KCNS3: variants seen among roughly 807,000 people sequenced by gnomAD.
KCNS3 encodes potassium voltage-gated channel modifier subfamily S member 3.
In KCNS3, 13 loss-of-function variants were observed where a neutral mutation model predicts 31.0. The ratio of observed to expected loss-of-function variants is 0.42; its 90% confidence interval spans 0.27 to 0.67. KCNS3 has a LOEUF of 0.67. KCNS3 is among the 30% of genes least tolerant of loss of function. KCNS3 has a pLI of 0.25. For missense variants in KCNS3, 545 were observed against 622.4 expected, an observed-to-expected ratio of 0.88 and a Z score of 1.32; for synonymous variants, 238 against 241.5, an observed-to-expected ratio of 0.99 and a Z score of 0.13.
At chr2:17,893,128 A>T (rs933555830) in intron 1 of KCNS3, among the ~76,000 whole-genome samples, 3 of 151,978 alleles carry the variant, frequency 2.0e-5, no homozygotes, top group Non-Finnish European at 4.4e-5. Context: ...TGGAGGTGAG[A>T]TTCCCAGGTC....
intron 1 of KCNS3, among the ~76,000 whole-genome samples, chr2:17,913,264 G>A (rs1034502122): frequency 9.8e-5 from 15 of 152,328 alleles, no homozygotes; most frequent in African/African-American, 2.4e-4. Context: ...TGTCGTTGAT[G>A]TATGGTAGCA....
At position 17,931,881 on chromosome 2, in the gene KCNS3, C is replaced by T; in HGVS notation, c.873C>T (p.Ile291=). 3 of 1,614,124 alleles carry T rather than the reference C, an allele frequency of 1.9e-6. No homozygotes were observed. Among genetic ancestry groups the T allele is most frequent in the Non-Finnish European group, 2.5e-6 (3 of 1,179,998 alleles). The change falls in exon 3 of 3, where the codon ATC becomes ATT. Residue 291 remains isoleucine, a synonymous_variant. Transcript: ENST00000304101. This position sits in a 1 kb window ranked among gnomAD's most constrained non-coding sequence, Gnocchi z 5.4. ...DIENMGKVVQ[I]LRLMRIFRIL... is the part of the protein sequence containing the mutation. ...AGAACATGGGCAAGGTGGTCCAGAT[C>T]CTACGGCTTATGAGGATTTTCCGAA...
intron 1 of KCNS3, among the ~76,000 whole-genome samples, chr2:17,898,820 A>G (rs376978783): frequency 6.6e-6 from 1 of 152,208 alleles, no homozygotes; most frequent in Non-Finnish European, 1.5e-5. Flanking sequence ...TCTTGCTCCA[A>G]GGTCTACCTA....
At chr2:17,902,386 G>T (rs907568256) in intron 1 of KCNS3, among the ~76,000 whole-genome samples, 9 of 150,808 alleles carry the variant, frequency 6.0e-5, no homozygotes, top group African/African-American at 2.2e-4. Flanking sequence ...TTTAATGTGA[G>T]TGACTTGAGT....
rs143074870 is a variant in KCNS3, at chr2:17,917,435, G to A, written c.-251-245G>A. 2.4e-4 allele frequency among the ~76,000 whole-genome samples: 36 copies of A among 152,284 alleles called. No individual in the cohort carries two copies. The Middle Eastern group carries it at 0.014, about 58-fold the overall frequency. ...ATCTTTAGATGTTTTAGTGGCCTCTGTCAGTAGAGGAATCCTAAGACTTTC... is the reference window on the plus strand; with the variant it reads ...ATCTTTAGATGTTTTAGTGGCCTCTATCAGTAGAGGAATCCTAAGACTTTC... On this transcript the variant is annotated intron_variant, in intron 1 of 2. Coordinates refer to ENST00000304101, the MANE Select transcript of KCNS3 (RefSeq NM_002252.5).
intron 2 of KCNS3, among the ~76,000 whole-genome samples, chr2:17,925,612 C>T (rs141252163): frequency 4.6e-5 from 7 of 152,120 alleles, no homozygotes; most frequent in African/African-American, 7.2e-5. Flanking sequence ...GAGAGAGTGG[C>T]GAGAGAAGGG....
chr2:17,903,438 G>A (rs561559643), intron 1 of KCNS3, among the ~76,000 whole-genome samples: 5 of 151,622 alleles, frequency 3.3e-5, no homozygotes, highest in African/African-American at 1.2e-4. Flanking sequence ...AGTTTTAGGG[G>A]GTTATTGACA....
chr2:17,909,774 C>G (rs1558454739), intron 1 of KCNS3, among the ~76,000 whole-genome samples: 1 of 152,276 alleles, frequency 6.6e-6, no homozygotes, highest in East Asian at 1.9e-4. Flanking sequence ...ATATGGCTCA[C>G]TTGGCATGAT....
intron 2 of KCNS3, among the ~76,000 whole-genome samples, chr2:17,925,758 A>G (rs2125253176): frequency 6.6e-6 from 1 of 152,322 alleles, no homozygotes; most frequent in South Asian, 2.1e-4. Context: ...TTACAATTCA[A>G]CATGAGATTT....
At chr2:17,909,737 C>T (rs886446783) in intron 1 of KCNS3, among the ~76,000 whole-genome samples, 7 of 152,186 alleles carry the variant, frequency 4.6e-5, no homozygotes, top group Non-Finnish European at 7.3e-5. Flanking sequence ...GCAGAGGGTT[C>T]AGCCACTGCA....
At chr2:17,895,283 C>A (rs1449009985) in intron 1 of KCNS3, among the ~76,000 whole-genome samples, 1 of 152,184 alleles carries the variant, frequency 6.6e-6, no homozygotes, top group African/African-American at 2.4e-5. Context: ...ACTTCGCCCT[C>A]TGAGAGTTTT....
At chr2:17,928,538 A>G (rs1483922493) in intron 2 of KCNS3, among the ~76,000 whole-genome samples, 1 of 151,546 alleles carries the variant, frequency 6.6e-6, no homozygotes, top group African/African-American at 2.4e-5. Flanking sequence ...AAGTACTTTC[A>G]TTTTTTCTTG....
chr2:17,911,205 G>C (rs969002513), intron 1 of KCNS3, among the ~76,000 whole-genome samples: 1 of 152,138 alleles, frequency 6.6e-6, no homozygotes, highest in Admixed American at 6.5e-5. Flanking sequence ...TTGTATTGCC[G>C]TTATTTATTT....
chr2:17,907,374 C>T (rs902462886), intron 1 of KCNS3, among the ~76,000 whole-genome samples: 2 of 152,168 alleles, frequency 1.3e-5, no homozygotes, highest in African/African-American at 4.8e-5. Context: ...AGATGGGTCT[C>T]CTGAATACAG....
intron 2 of KCNS3, among the ~76,000 whole-genome samples, chr2:17,926,068 G>A (rs918841537): frequency 6.6e-6 from 1 of 152,176 alleles, no homozygotes; most frequent in African/African-American, 2.4e-5. Flanking sequence ...GGATTGTTTT[G>A]GCCCCCAAAC....
chr2:17,902,985 T>C (rs1404106973), intron 1 of KCNS3, among the ~76,000 whole-genome samples: 2 of 152,352 alleles, frequency 1.3e-5, no homozygotes, highest in East Asian at 1.9e-4. Context: ...ATAAAAACTC[T>C]CCTAATTAAG....
In KCNS3 at chr2:17,932,435, A is replaced by T. The variant is rs745753851; in HGVS notation, c.1427A>T (p.Asn476Ile). The change falls in exon 3 of 3, where the codon AAT becomes ATT. Residue 476 changes from asparagine to isoleucine, a missense_variant. Physicochemically the swap from Asn to Ile is moderately radical, Grantham distance 149. Coordinates refer to ENST00000304101, the MANE Select transcript of KCNS3 (RefSeq NM_002252.5). The part of the protein sequence containing the change: ...DSTDASSIED[N>I]EDICNTTSLE... ...ACAGATGCTTCAAGCATTGAAGACAATGAGGACATTTGTAACACCACCTCC... is the reference window on the plus strand; with the variant it reads ...ACAGATGCTTCAAGCATTGAAGACATTGAGGACATTTGTAACACCACCTCC... 6.2e-7 allele frequency: 1 copy of T among 1,613,874 alleles called. No homozygotes were observed. The highest frequency in any genetic ancestry group is 1.3e-5 in the African/African-American group (1 of 74,918).
chr2:17,898,231 G>C (rs926103055), intron 1 of KCNS3, among the ~76,000 whole-genome samples: 2 of 135,692 alleles, frequency 1.5e-5, no homozygotes, highest in Non-Finnish European at 3.1e-5. Flanking sequence ...AGTCAGTAAT[G>C]TGATGCCTCT....
intron 1 of KCNS3, among the ~76,000 whole-genome samples, chr2:17,915,571 G>A (rs1341378792): frequency 6.6e-6 from 1 of 152,116 alleles, no homozygotes; most frequent in African/African-American, 2.4e-5. Context: ...CACCTTAGGT[G>A]TAGGACTTTG....
Sources: allele counts gnomAD v4.1 joint callset (sites outside exome capture counted in the v4.1 genomes callset), GRCh38; gene constraint gnomAD v4.1.1; non-coding constraint Gnocchi (gnomAD v3.1); transcripts MANE v1.5; gene names NCBI Gene and HGNC (gene_info 2026-07-23, HGNC 2026-07-21).